The following PTPRT variants were observed in gnomAD, a reference collection of about 807,000 sequenced individuals.
PTPRT encodes the protein receptor-type tyrosine-protein phosphatase T.
Under a neutral mutation model 176.8 loss-of-function variants are expected in PTPRT, and 56 were observed. The ratio of observed to expected loss-of-function variants is 0.32; its 90% confidence interval spans 0.26 to 0.40. The LOEUF (loss-of-function observed/expected upper bound fraction) is 0.40. Among genes scored for constraint, PTPRT ranks in the 10% least tolerant of loss-of-function variants. The pLI, the probability that PTPRT is intolerant of heterozygous loss-of-function variation, is 1.00. For synonymous variants in PTPRT, 783 were observed against 739.0 expected (o/e 1.06, Z -0.96); for missense variants, 1,540 against 1,908.2 (o/e 0.81, Z 3.60).
At chr20:42,785,467 G>A (rs1405730064) in intron 3 of PTPRT, among the ~76,000 whole-genome samples, 2 of 152,226 alleles carry the variant, frequency 1.3e-5, no homozygotes, top group South Asian at 2.1e-4. Context: ...AGTGTCATTG[G>A]ATTTTCTGAT....
At chr20:42,585,928 A>G (rs1333933349) in intron 7 of PTPRT, among the ~76,000 whole-genome samples, 1 of 152,198 alleles carries the variant, frequency 6.6e-6, no homozygotes, top group Non-Finnish European at 1.5e-5. Flanking sequence ...ATGAATAGAC[A>G]TATGTATACA....
chr20:42,947,093 G>C (rs1305198552), intron 1 of PTPRT, among the ~76,000 whole-genome samples: 1 of 152,150 alleles, frequency 6.6e-6, no homozygotes, highest in East Asian at 1.9e-4. Flanking sequence ...CCAAAATTAG[G>C]TGAATTAGAA....
chr20:42,608,178 T>C (rs2073913800), intron 7 of PTPRT, among the ~76,000 whole-genome samples: 1 of 152,076 alleles, frequency 6.6e-6, no homozygotes, highest in African/African-American at 2.4e-5. Flanking sequence ...GTCTCATGTC[T>C]CCGGAATAAG....
At chr20:42,359,853 C>T (rs113990359) in intron 9 of PTPRT, among the ~76,000 whole-genome samples, 5 of 152,154 alleles carry the variant, frequency 3.3e-5, no homozygotes, top group African/African-American at 4.8e-5. Context: ...GGTTCCTGGC[C>T]GTATCAGCCC....
chr20:42,902,487 G>A (rs1276329484), intron 1 of PTPRT, among the ~76,000 whole-genome samples: 1 of 152,158 alleles, frequency 6.6e-6, no homozygotes, highest in Non-Finnish European at 1.5e-5. Context: ...TCAGAGGGAG[G>A]AGAAGACACC....
At chr20:42,913,347 T>G (rs1346118127) in intron 1 of PTPRT, among the ~76,000 whole-genome samples, 1 of 152,180 alleles carries the variant, frequency 6.6e-6, no homozygotes, top group Non-Finnish European at 1.5e-5. Context: ...CTCCCCTGGC[T>G]TTGGGTGGTT....
At position 42,104,607 on chromosome 20, in the gene PTPRT, G is replaced by C. The variant is rs548890667; in HGVS notation, c.3502C>G (p.Pro1168Ala). The C allele has an allele frequency of 1.9e-6, 3 of 1,612,682 alleles. No homozygotes were observed. The South Asian group carries it at 3.3e-5, about 18-fold the overall frequency. Residue 1168 changes from proline to alanine, a missense_variant, in exon 25 of 31, where the codon CCC becomes GCC. Transcript: ENST00000373187. ...TTGATTTGGCTGGAGTTTGTCTGGG[G>C]GTCCAGCCTGCTGATATTGTAGTAG... ...SLYYNISRLD[P>A]QTNSSQIKDE...
At chr20:42,204,040 T>A (rs2055388834) in intron 15 of PTPRT, among the ~76,000 whole-genome samples, 1 of 152,202 alleles carries the variant, frequency 6.6e-6, no homozygotes, top group Admixed American at 6.5e-5. Flanking sequence ...AGTCTGCAAT[T>A]TGGAGTCTAG....
chr20:42,059,520 G>A, the PTPRT span, among the ~76,000 whole-genome samples: 5 of 152,298 alleles, frequency 3.3e-5, no homozygotes, highest in East Asian at 9.6e-4. Flanking sequence ...ATATGAAATT[G>A]TGATATCTGC....
At chr20:42,608,033 T>A (rs1014426620) in intron 7 of PTPRT, among the ~76,000 whole-genome samples, 2 of 152,162 alleles carry the variant, frequency 1.3e-5, no homozygotes, top group Non-Finnish European at 2.9e-5. Context: ...GTGGGAGTAC[T>A]ATCTCCACTC....
chr20:42,386,254 C>T (rs569539440), intron 9 of PTPRT, among the ~76,000 whole-genome samples: 2 of 152,106 alleles, frequency 1.3e-5, no homozygotes, highest in South Asian at 2.1e-4. Context: ...TTTAGAAACC[C>T]GTGGGACTAA....
chr20:42,839,158 G>A (rs1258162686), intron 2 of PTPRT, among the ~76,000 whole-genome samples: 1 of 152,034 alleles, frequency 6.6e-6, no homozygotes, highest in Non-Finnish European at 1.5e-5. Context: ...TACCTCGTAG[G>A]GACTTCCATC....
intron 9 of PTPRT, among the ~76,000 whole-genome samples, chr20:42,435,426 T>C (rs2145815412): frequency 6.6e-6 from 1 of 152,244 alleles, no homozygotes; most frequent in Non-Finnish European, 1.5e-5. Context: ...GAGAATGAGT[T>C]GGCCATGGAA....
At chr20:42,420,847 G>A (rs1245096334) in intron 9 of PTPRT, among the ~76,000 whole-genome samples, 1 of 152,208 alleles carries the variant, frequency 6.6e-6, no homozygotes, top group Non-Finnish European at 1.5e-5. Context: ...AGTGGGGTTT[G>A]GGAATTGCTG....
chr20:42,123,529 G>A (rs1411321245), intron 19 of PTPRT, among the ~76,000 whole-genome samples: 2 of 152,212 alleles, frequency 1.3e-5, no homozygotes, highest in African/African-American at 4.8e-5. Context: ...CCCCTCAGAG[G>A]AGGTGGTGGT....
intron 9 of PTPRT, among the ~76,000 whole-genome samples, chr20:42,440,446 C>T (rs902888381): frequency 2.0e-5 from 3 of 150,768 alleles, no homozygotes; most frequent in Non-Finnish European, 4.4e-5. Flanking sequence ...CACTGAAAGG[C>T]AAAAATAAAT....
chr20:42,628,549 C>G (rs1175096950), intron 7 of PTPRT, among the ~76,000 whole-genome samples: 9 of 152,134 alleles, frequency 5.9e-5, no homozygotes, highest in Non-Finnish European at 1.3e-4. Context: ...ATTCATCCAT[C>G]CACCTATCTA....
intron 1 of PTPRT, among the ~76,000 whole-genome samples, chr20:43,093,214 G>A (rs530253598): frequency 6.6e-5 from 10 of 152,248 alleles, no homozygotes; most frequent in East Asian, 3.9e-4. Context: ...GTTATGTCAC[G>A]TGCTTATGAA....
At chr20:42,113,471 C>T (rs78436468) in intron 22 of PTPRT, among the ~76,000 whole-genome samples, 16,000 of 152,242 alleles carry the variant, frequency 0.11, 1,933 homozygotes, top group African/African-American at 0.29. Context: ...TCTGGAGACA[C>T]GCCCTCAGCT....
Sources: allele counts gnomAD v4.1 joint callset (sites outside exome capture counted in the v4.1 genomes callset), GRCh38; gene constraint gnomAD v4.1.1; transcripts MANE v1.5; gene names NCBI Gene and HGNC (gene_info 2026-07-23, HGNC 2026-07-21).